Variants in CSMD1 observed in about 807,000 individuals in gnomAD.
CSMD1 encodes the protein CUB and sushi domain-containing protein 1.
A neutral mutation model predicts 417.5 loss-of-function variants in CSMD1; 213 were observed. The ratio of observed to expected loss-of-function variants is 0.51; its 90% CI spans 0.46 to 0.57. The LOEUF is 0.57. Among genes scored for constraint, CSMD1 ranks in the 20% least tolerant of loss-of-function variants. The probability of loss-of-function intolerance (pLI) is 0.00; values close to 1 mark genes in which losing one functional copy is unlikely to be tolerated. For missense variants in CSMD1, 6,923 were observed against 4,529.7 expected, an observed-to-expected ratio of 1.53 and a Z score of -15.17; for synonymous variants, 2,862 against 1,736.8, an observed-to-expected ratio of 1.65 and a Z score of -16.11.
chr8:3,437,344 C>G (rs1375094704), intron 12 of CSMD1, among the ~76,000 whole-genome samples: 2 of 152,170 alleles, frequency 1.3e-5, no homozygotes, highest in African/African-American at 4.8e-5. Flanking sequence ...CTCGGGAAAT[C>G]TTATCTATGA....
chr8:3,793,829 T>C (rs1799887401), intron 5 of CSMD1, among the ~76,000 whole-genome samples: 1 of 152,202 alleles, frequency 6.6e-6, no homozygotes, highest in Admixed American at 6.5e-5. Context: ...TGTCAGGATC[T>C]GCATACAAGA....
At chr8:4,660,983 A>C (rs572948238) in intron 1 of CSMD1, among the ~76,000 whole-genome samples, 1 of 152,218 alleles carries the variant, frequency 6.6e-6, no homozygotes, top group Non-Finnish European at 1.5e-5. Context: ...TCTGGTTAGC[A>C]TAAGAAGAAA....
At chr8:3,613,284 A>C (rs1424345474) in intron 8 of CSMD1, 1 of 422,184 alleles carries the variant, frequency 2.4e-6, no homozygotes, top group Non-Finnish European at 4.7e-6. Flanking sequence ...ACCTACTTGT[A>C]AGAAAATTCC....
chr8:3,806,291 G>A (rs2720881), intron 5 of CSMD1, among the ~76,000 whole-genome samples: 103,931 of 151,950 alleles, frequency 0.68, 36,036 homozygotes, highest in Non-Finnish European at 0.74. Context: ...TCTGTCTATC[G>A]TAATGATGGC....
In CSMD1 at chr8:3,998,187, C is replaced by G. The variant is rs1210559361; in HGVS notation, c.611-77G>C. The G allele has an allele frequency of 7.8e-6, 10 of 1,279,150 alleles. 1 individual carries two copies. In the South Asian group the frequency reaches 1.1e-4, roughly 15 times the overall value. 79.2% of individuals were successfully genotyped at this position (1,279,150 alleles called of 1,614,324 possible). On this transcript the variant is annotated intron_variant, in intron 4 of 69. Coordinates refer to ENST00000635120, the MANE Select transcript of CSMD1 (RefSeq NM_033225.6). ...ACACGAGTGTGTCCACCAAGTGTCACTCTTGATCAGCGACAAATATTTTCT... is the reference window on the plus strand; with the variant it reads ...ACACGAGTGTGTCCACCAAGTGTCAGTCTTGATCAGCGACAAATATTTTCT...
chr8:4,351,945 T>C (rs991804929), intron 3 of CSMD1, among the ~76,000 whole-genome samples: 24 of 117,834 alleles, frequency 2.0e-4, no homozygotes, highest in African/African-American at 7.8e-4. Context: ...ATTGCCTTTA[T>C]GCTATTTTTT....
At chr8:3,381,385 T>C (rs1274909190) in intron 18 of CSMD1, among the ~76,000 whole-genome samples, 1 of 152,164 alleles carries the variant, frequency 6.6e-6, no homozygotes, top group African/African-American at 2.4e-5. Context: ...AAGAAAGCCA[T>C]ATGTGTTTGC....
intron 3 of CSMD1, among the ~76,000 whole-genome samples, chr8:4,365,510 G>A (rs984206237): frequency 1.3e-5 from 2 of 152,134 alleles, no homozygotes; most frequent in Non-Finnish European, 2.9e-5. Context: ...ACGAATCCAG[G>A]CGTTGTGATT....
At chr8:3,161,516 C>T (rs1042598893) in intron 38 of CSMD1, among the ~76,000 whole-genome samples, 1 of 150,222 alleles carries the variant, frequency 6.7e-6, no homozygotes, top group Non-Finnish European at 1.5e-5. Flanking sequence ...ACTTGGGAGG[C>T]TGAGGCAGGA....
intron 1 of CSMD1, among the ~76,000 whole-genome samples, chr8:4,983,397 T>C (rs1266050090): frequency 1.3e-5 from 2 of 152,168 alleles, no homozygotes; most frequent in Non-Finnish European, 2.9e-5. Context: ...AAAGAAACAG[T>C]GAATGTGTAA....
At chr8:3,292,772 T>G (rs924386252) in intron 25 of CSMD1, among the ~76,000 whole-genome samples, 2 of 152,148 alleles carry the variant, frequency 1.3e-5, no homozygotes, top group African/African-American at 4.8e-5. Context: ...GGTCTTGACT[T>G]TTTATGCAAT....
At chr8:3,115,121 ATATT>A (rs980128369) in intron 42 of CSMD1, among the ~76,000 whole-genome samples, 3 of 152,108 alleles carry the variant, frequency 2.0e-5, no homozygotes, top group Non-Finnish European at 2.9e-5. Flanking sequence ...GTGTGAATGC[ATATT>A]TAATTAGAAA....
chr8:3,578,532 TG>T, intron 9 of CSMD1, among the ~76,000 whole-genome samples: 1 of 152,222 alleles, frequency 6.6e-6, no homozygotes, highest in East Asian at 1.9e-4. Context: ...TGTCGCCTAT[TG>T]GGGGGCTGTA....
intron 1 of CSMD1, among the ~76,000 whole-genome samples, chr8:4,834,448 C>T (rs1170002491): frequency 1.3e-5 from 2 of 152,148 alleles, no homozygotes; most frequent in Non-Finnish European, 2.9e-5. Flanking sequence ...TGAGTGGGCA[C>T]ATGCCCATGT....
intron 54 of CSMD1, among the ~76,000 whole-genome samples, chr8:2,990,474 C>A (rs561200626): frequency 6.6e-6 from 1 of 152,120 alleles, no homozygotes; most frequent in Non-Finnish European, 1.5e-5. Context: ...TTCCATAGCC[C>A]CTGACTTTAC....
chr8:4,595,019 TGG>T (rs1800179775), intron 2 of CSMD1, among the ~76,000 whole-genome samples: 3 of 152,198 alleles, frequency 2.0e-5, no homozygotes, highest in East Asian at 1.9e-4. Context: ...TGGAATATAC[TGG>T]ATTCCTTGTT....
chr8:4,938,484 C>T (rs1479625500), intron 1 of CSMD1, among the ~76,000 whole-genome samples: 1 of 152,090 alleles, frequency 6.6e-6, no homozygotes, highest in Admixed American at 6.6e-5. Context: ...AATGGTTTGA[C>T]AAAAAACTGA....
chr8:4,058,512 T>G (rs1798812249), intron 3 of CSMD1, among the ~76,000 whole-genome samples: 1 of 152,124 alleles, frequency 6.6e-6, no homozygotes, highest in South Asian at 2.1e-4. Context: ...TTTTCCTAAC[T>G]GAATACCCTT....
intron 10 of CSMD1, among the ~76,000 whole-genome samples, chr8:3,523,530 C>T (rs1797602214): frequency 6.6e-6 from 1 of 151,860 alleles, no homozygotes; most frequent in South Asian, 2.1e-4. Context: ...AATATGCACA[C>T]ACACACGCAC....
Sources: allele counts gnomAD v4.1 joint callset (sites outside exome capture counted in the v4.1 genomes callset), GRCh38; gene constraint gnomAD v4.1.1; transcripts MANE v1.5; gene names NCBI Gene and HGNC (gene_info 2026-07-23, HGNC 2026-07-21).